AJAP1: variants seen among roughly 807,000 people sequenced by gnomAD.
The protein encoded by AJAP1 is adherens junction-associated protein 1.
A neutral mutation model predicts 35.0 loss-of-function variants in AJAP1; 5 were observed. That is an observed-to-expected ratio of 0.14 (90% CI 0.07 to 0.30). AJAP1 has a LOEUF of 0.30. AJAP1 is among the 10% of genes least tolerant of loss of function. The pLI, the probability that AJAP1 is intolerant of heterozygous loss-of-function variation, is 1.00. For missense variants in AJAP1, 586 were observed against 571.0 expected (o/e 1.03, Z -0.27); for synonymous variants, 284 against 249.3 (o/e 1.14, Z -1.31).
At chr1:4,730,255 C>T (rs187520282) in intron 2 of AJAP1, among the ~76,000 whole-genome samples, 5 of 152,306 alleles carry the variant, frequency 3.3e-5, no homozygotes, top group Admixed American at 6.5e-5. Context: ...CTTGCTGCTG[C>T]GTTTGTAGCC....
In AJAP1 at chr1:4,692,028, C is replaced by G. The variant is rs7514522; in HGVS notation, c.30-19872C>G. 0.13 allele frequency among the ~76,000 whole-genome samples: 19,952 copies of G among 152,178 alleles called. 1,345 individuals carry two copies. The highest frequency in any genetic ancestry group is 0.23 in the East Asian group (1,185 of 5,130). The stretch of plus-strand genomic sequence containing the variant: ...AGCCAAGAACAGCCTTTGCCCCAGG[C>G]CGGGTGTCCCTGAGACTGGCCGAGG... On this transcript the variant is annotated intron_variant, in intron 1 of 5. Coordinates refer to ENST00000378191, the MANE Select transcript of AJAP1 (RefSeq NM_018836.4). The surrounding 1 kb of genome is among the most constrained non-coding windows in gnomAD (Gnocchi z 4.4).
rs768229008 is a variant in AJAP1, at chr1:4,784,259, G to A, written c.*1774G>A. On this transcript the variant is annotated 3_prime_UTR_variant, in exon 6 of 6. Coordinates refer to ENST00000378191, the MANE Select transcript of AJAP1 (RefSeq NM_018836.4). ...TGCTGTCAACAGCGGGTGCTGTAGG[G>A]ATCTAGGGATGCATCTCATGGCCCA... 5.9e-5 allele frequency: 9 copies of A among 152,270 alleles called. No homozygotes were observed. The highest frequency in any genetic ancestry group is 1.3e-4 in the Admixed American group (2 of 15,286). 9.4% of individuals were successfully genotyped at this position (152,270 alleles called of 1,614,324 possible). A position where few individuals can be genotyped will look rare whatever the true frequency, so the allele number is the denominator to read the frequency against.
Position 4,789,366 on chromosome 1 carries a change from T to C in AJAP1, c.*6881T>C, listed in dbSNP as rs771973799. 6.6e-6 allele frequency: 1 copy of C among 152,202 alleles called. No homozygotes were observed. Among genetic ancestry groups the C allele is most frequent in the Non-Finnish European group, 1.5e-5 (1 of 68,034 alleles). The allele number at this position is 152,202 out of a possible 1,614,324, so 9.4% of individuals were successfully genotyped here. On this transcript the variant is annotated 3_prime_UTR_variant, in exon 6 of 6. Coordinates refer to ENST00000378191, the MANE Select transcript of AJAP1 (RefSeq NM_018836.4). The surrounding 1 kb of genome is among the most constrained non-coding windows in gnomAD (Gnocchi z 4.4). ...ACTCTTGTCAATATCTTGGATTCCA[T>C]AGTAAAACATCTGTTAAGTAACATG...
chr1:4,691,013 G>A (rs1007185249), intron 1 of AJAP1, among the ~76,000 whole-genome samples: 1 of 152,216 alleles, frequency 6.6e-6, no homozygotes, highest in Admixed American at 6.5e-5. Flanking sequence ...CCTGAAGCCA[G>A]GGGTGCCAGG....
intron 1 of AJAP1, among the ~76,000 whole-genome samples, chr1:4,660,025 T>C (rs1638967140): frequency 6.6e-6 from 1 of 152,204 alleles, no homozygotes; most frequent in Non-Finnish European, 1.5e-5. Flanking sequence ...GCTGCTACTC[T>C]CAGCACGCTG....
At chr1:4,687,929 G>C (rs1390129577) in intron 1 of AJAP1, among the ~76,000 whole-genome samples, 2 of 152,234 alleles carry the variant, frequency 1.3e-5, no homozygotes, top group East Asian at 3.8e-4. Context: ...GATGAACAAA[G>C]CCTTCACAGC....
At chr1:4,689,694 G>C (rs909741999) in intron 1 of AJAP1, among the ~76,000 whole-genome samples, 6 of 152,224 alleles carry the variant, frequency 3.9e-5, no homozygotes, top group Middle Eastern at 3.2e-3. Context: ...GTTGCTCCCA[G>C]GAGTCATGAG....
chr1:4,681,754 C>T (rs145713333), intron 1 of AJAP1, among the ~76,000 whole-genome samples: 6 of 152,328 alleles, frequency 3.9e-5, no homozygotes, highest in African/African-American at 1.4e-4. Context: ...AGGCAGACCA[C>T]GTGCAGGAAG....
chr1:4,759,057 A>C (rs422988), intron 2 of AJAP1, among the ~76,000 whole-genome samples: 133,672 of 152,254 alleles, frequency 0.88, 59,282 homozygotes, highest in Middle Eastern at 0.95. Context: ...TTGGTCACTG[A>C]CCCGTGACTG....
intron 1 of AJAP1, among the ~76,000 whole-genome samples, chr1:4,709,211 G>C (rs1050105532): frequency 6.6e-6 from 1 of 150,648 alleles, no homozygotes; most frequent in African/African-American, 2.4e-5. Flanking sequence ...CAGCCTGCCT[G>C]GTGGGGGCTG....
rs1237097372 is a variant in AJAP1, at chr1:4,723,932, T to A, written c.829+11233T>A. Among the ~76,000 whole-genome samples, 1 of 152,100 alleles carries A rather than the reference T, an allele frequency of 6.6e-6. No homozygotes were observed. Among genetic ancestry groups the A allele is most frequent in the Non-Finnish European group, 1.5e-5 (1 of 68,030 alleles). ...AGTCCTTAAGGGATGAGAACCAGCC[T>A]GATGTGTGCTGTTGGCTGAGCTCGC... On this transcript the variant is annotated intron_variant, in intron 2 of 5. Coordinates refer to ENST00000378191, the MANE Select transcript of AJAP1 (RefSeq NM_018836.4). The surrounding 1 kb of genome is among the most constrained non-coding windows in gnomAD (Gnocchi z 4.3).
chr1:4,777,403 G>C (rs143622296), intron 5 of AJAP1: 4 of 152,138 alleles, frequency 2.6e-5, no homozygotes, highest in Non-Finnish European at 5.9e-5. Context: ...TCTTGCAGGC[G>C]GTTGTCCGGA....
rs928601351 is a variant in AJAP1 at position 4,791,190 on chromosome 1, C to T, written c.*8705C>T. On this transcript the variant is annotated 3_prime_UTR_variant, in exon 6 of 6. Coordinates refer to ENST00000378191, the MANE Select transcript of AJAP1 (RefSeq NM_018836.4). ...TTGAGAGGTGAGTGGGACTAAAAGC[C>T]AGGATCAAGATCAGGTTGCTCCACA... 1.3e-5 allele frequency: 2 copies of T among 152,162 alleles called. No homozygotes were observed. The highest frequency in any genetic ancestry group is 1.5e-5 in the Non-Finnish European group (1 of 68,046). 9.4% of individuals were successfully genotyped at this position (152,162 alleles called of 1,614,324 possible).
At chr1:4,736,266 C>T (rs1489050232) in intron 2 of AJAP1, among the ~76,000 whole-genome samples, 1 of 152,210 alleles carries the variant, frequency 6.6e-6, no homozygotes, top group Non-Finnish European at 1.5e-5. Flanking sequence ...CTGTCATTGG[C>T]TCCCCACTGC....
In AJAP1 at chr1:4,783,265, A is replaced by G. The variant is rs144329015; in HGVS notation, c.*780A>G. On this transcript the variant is annotated 3_prime_UTR_variant, in exon 6 of 6. Transcript: ENST00000378191. ...CACATACATGCATATAGACGCATCT[A>G]TTGGAAATGCAGTTCCACAGGTGAG... The G allele has an allele frequency of 2.2e-3, 332 of 153,358 alleles. 1 individual carries two copies. The highest frequency in any genetic ancestry group is 3.8e-3 in the Non-Finnish European group (263 of 69,016). The allele number at this position is 153,358 out of a possible 1,614,324, so 9.5% of individuals were successfully genotyped here. A position where few individuals can be genotyped will look rare whatever the true frequency, so the allele number is the denominator to read the frequency against.
chr1:4,685,729 G>T (rs1639590439), intron 1 of AJAP1, among the ~76,000 whole-genome samples: 1 of 152,190 alleles, frequency 6.6e-6, no homozygotes, highest in African/African-American at 2.4e-5. Context: ...CCGTTGGGGG[G>T]TCCATGGGGG....
At chr1:4,665,305 G>A (rs781195023) in intron 1 of AJAP1, among the ~76,000 whole-genome samples, 2 of 152,222 alleles carry the variant, frequency 1.3e-5, no homozygotes, top group Non-Finnish European at 1.5e-5. Flanking sequence ...CCCATTAGGC[G>A]CCTGGGTCTC....
intron 2 of AJAP1, among the ~76,000 whole-genome samples, chr1:4,739,676 A>G (rs1474317889): frequency 1.3e-5 from 2 of 151,772 alleles, no homozygotes; most frequent in South Asian, 2.1e-4. Flanking sequence ...AGGAGAAAAA[A>G]CCATCTGAAG....
intron 2 of AJAP1, among the ~76,000 whole-genome samples, chr1:4,722,806 C>G (rs1205647805): frequency 2.0e-5 from 3 of 152,192 alleles, no homozygotes; most frequent in Non-Finnish European, 4.4e-5. Flanking sequence ...CCTGGATCAC[C>G]CAGAATGGTC....
Sources: gnomAD v4.1 joint callset for allele counts (sites outside exome capture counted in the v4.1 genomes callset) on GRCh38, gnomAD v4.1.1 for gene constraint, Gnocchi (gnomAD v3.1) non-coding constraint, MANE v1.5 for transcripts, NCBI Gene and HGNC (gene_info 2026-07-23, HGNC 2026-07-21) for gene names.